ZNF267: variants seen among roughly 807,000 people sequenced by gnomAD.
ZNF267 encodes the protein zinc finger protein 267.
In ZNF267, 61 loss-of-function variants were observed where a neutral mutation model predicts 71.6. The observed-to-expected ratio is 0.85, with a 90% CI of 0.69 to 1.05. The LOEUF (loss-of-function observed/expected upper bound fraction) is 1.05, where lower values mean the gene tolerates loss of function less well. ZNF267 is among the 50% of genes least tolerant of loss of function. ZNF267 has a pLI of 0.00. For synonymous variants in ZNF267, 288 were observed against 293.2 expected, an observed-to-expected ratio of 0.98 and a Z score of 0.18; for missense variants, 852 against 870.0, an observed-to-expected ratio of 0.98 and a Z score of 0.26.
chr16:31,874,470 AAAGGTTTTTAT>A (rs1272067516), intron 1 of ZNF267, among the ~76,000 whole-genome samples: 1 of 152,238 alleles, frequency 6.6e-6, no homozygotes, highest in African/African-American at 2.4e-5. Flanking sequence ...GGCTTGAAGG[AAAGGTTTTTAT>A]AAGGTGCATG....
intron 3 of ZNF267, among the ~76,000 whole-genome samples, chr16:31,908,317 G>A (rs138104356): frequency 6.6e-6 from 1 of 152,236 alleles, no homozygotes; most frequent in African/African-American, 2.4e-5. Context: ...TGTCAGATGC[G>A]TAGTTTGTGA....
At chr16:31,882,689 T>C (rs987589952) in intron 1 of ZNF267, among the ~76,000 whole-genome samples, 2 of 152,214 alleles carry the variant, frequency 1.3e-5, no homozygotes, top group Non-Finnish European at 2.9e-5. Flanking sequence ...TGTTTTTTTA[T>C]GATTATATTA....
chr16:31,911,097 C>G (rs1381885029), intron 3 of ZNF267, among the ~76,000 whole-genome samples: 1 of 151,472 alleles, frequency 6.6e-6, no homozygotes, highest in Non-Finnish European at 1.5e-5. Context: ...TGTTTTGTAA[C>G]CTAAAATGTT....
At chr16:31,886,105 A>C (rs1266240084) in intron 3 of ZNF267, among the ~76,000 whole-genome samples, 1 of 152,108 alleles carries the variant, frequency 6.6e-6, no homozygotes, top group African/African-American at 2.4e-5. Context: ...TTCTTTCTAG[A>C]CATATGATTC....
chr16:31,888,202 G>C (rs56984047), intron 3 of ZNF267, among the ~76,000 whole-genome samples: 2,117 of 151,822 alleles, frequency 0.014, 56 homozygotes, highest in African/African-American at 0.048. Context: ...ACTAATTTTT[G>C]TATATTTTTG....
At chr16:31,898,016 ATCT>A (rs1157052462) in intron 3 of ZNF267, among the ~76,000 whole-genome samples, 2 of 152,052 alleles carry the variant, frequency 1.3e-5, no homozygotes, top group African/African-American at 2.4e-5. Context: ...TTCCTTATTG[ATCT>A]TCTTTCTGTT....
intron 1 of ZNF267, among the ~76,000 whole-genome samples, chr16:31,877,833 T>G (rs147532382): frequency 6.6e-6 from 1 of 152,152 alleles, no homozygotes; most frequent in Non-Finnish European, 1.5e-5. Flanking sequence ...TTTTTTGCCC[T>G]GTATGTATTT....
At position 31,915,039 on chromosome 16, in the gene ZNF267, G is replaced by T; in HGVS notation, c.790G>T (p.Glu264Ter). ...LQSMHGQEKQ[E>*]QSYKCNKCVE... ...GAGTATGCATGGGCAAGAGAAACAA[G>T]AACAGTCTTACAAATGTAATAAATG... The change falls in exon 4 of 4, where the codon GAA (glutamate) becomes TAA (stop). Residue 264 changes from glutamate to a stop codon, truncating the protein, a stop_gained. Coordinates refer to ENST00000300870, the MANE Select transcript of ZNF267 (RefSeq NM_003414.6). LOFTEE classifies it high-confidence loss of function. 6.2e-7 allele frequency: 1 copy of T among 1,611,898 alleles called. No homozygotes were observed.
At chr16:31,906,575 G>A (rs1009095276) in intron 3 of ZNF267, among the ~76,000 whole-genome samples, 73 of 152,344 alleles carry the variant, frequency 4.8e-4, no homozygotes, top group African/African-American at 1.6e-3. Flanking sequence ...GAACCTCCGA[G>A]CCAGGTGCGG....
chr16:31,885,381 T>C (rs1274344326), intron 3 of ZNF267, 125 bp downstream of exon 3: 7 of 741,834 alleles, frequency 9.4e-6, no homozygotes, highest in Non-Finnish European at 1.4e-5. Context: ...CCTGGCTTTA[T>C]TTCTTTCCCT....
rs2142345565 is a variant in ZNF267 at position 31,896,246 on chromosome 16, A to T, written c.226+10990A>T. 1.3e-5 allele frequency among the ~76,000 whole-genome samples: 2 copies of T among 152,260 alleles called. 1 individual carries two copies. The highest frequency in any genetic ancestry group is 4.1e-4 in the South Asian group (2 of 4,828). ...CAGGATGCCCTCGATTCCTGACCTCAAATGATTCTCCCACCTTGGCGTCCC... is the reference window on the plus strand; with the variant it reads ...CAGGATGCCCTCGATTCCTGACCTCTAATGATTCTCCCACCTTGGCGTCCC... On this transcript the variant is annotated intron_variant, in intron 3 of 3. Coordinates refer to ENST00000300870, the MANE Select transcript of ZNF267 (RefSeq NM_003414.6).
At chr16:31,900,110 T>C (rs530937152) in intron 3 of ZNF267, among the ~76,000 whole-genome samples, 12 of 151,984 alleles carry the variant, frequency 7.9e-5, no homozygotes, top group African/African-American at 2.9e-4. Context: ...CATCTTTGTA[T>C]CCTATATTTC....
chr16:31,916,132 G>T lies in ZNF267; in HGVS notation c.1883G>T (p.Gly628Val), dbSNP rs1163352853. ...DVIQHRRIHT[G>V]QRPYKCEECG... The stretch of plus-strand genomic sequence containing the variant: ...ATTCAGCATCGGAGAATTCATACTG[G>T]CCAGAGACCCTACAAATGTGAAGAA... The change falls in exon 4 of 4, where the codon GGC becomes GTC. Residue 628 changes from glycine to valine, a missense_variant. By Grantham distance (109) the Gly-to-Val change is moderately radical (BLOSUM62 -3). Transcript: ENST00000300870. 2 of 1,614,014 alleles carry T rather than the reference G, an allele frequency of 1.2e-6. No individual in the cohort carries two copies. The highest frequency in any genetic ancestry group is 2.7e-5 in the African/African-American group (2 of 74,920).
At chr16:31,905,513 CT>C in intron 3 of ZNF267, among the ~76,000 whole-genome samples, 1 of 152,268 alleles carries the variant, frequency 6.6e-6, no homozygotes, top group Non-Finnish European at 1.5e-5. Context: ...CTAAACTTCT[CT>C]TTTCGCTTCA....
rs139632875 is a variant in ZNF267 at position 31,885,556 on chromosome 16, T to C, written c.226+300T>C. Among the ~76,000 whole-genome samples the C allele has an allele frequency of 4.7e-3, 723 of 152,310 alleles. 6 individuals are homozygous for C. The highest frequency in any genetic ancestry group is 0.017 in the African/African-American group (695 of 41,546). On this transcript the variant is annotated intron_variant, in intron 3 of 3. Coordinates refer to ENST00000300870, the MANE Select transcript of ZNF267 (RefSeq NM_003414.6). ...TGTTCTTCCATTGATTTGGGGGCTCTGGGAAAGTCTGTGCATGTTTCTACC... is the reference window on the plus strand; with the variant it reads ...TGTTCTTCCATTGATTTGGGGGCTCCGGGAAAGTCTGTGCATGTTTCTACC...
intron 1 of ZNF267, among the ~76,000 whole-genome samples, chr16:31,881,956 G>A (rs1020477628): frequency 1.6e-4 from 25 of 152,096 alleles, no homozygotes; most frequent in Non-Finnish European, 3.4e-4. Flanking sequence ...GTGAGCCACC[G>A]TGCCCAGTGG....
At chr16:31,899,484 T>C (rs1204936115) in intron 3 of ZNF267, among the ~76,000 whole-genome samples, 1 of 152,074 alleles carries the variant, frequency 6.6e-6, no homozygotes, top group East Asian at 1.9e-4. Context: ...TTGAAACCAA[T>C]GAGAACAAAG....
chr16:31,911,664 CATTATTATTGATAAG>C (rs1304222502), intron 3 of ZNF267, among the ~76,000 whole-genome samples: 1 of 150,954 alleles, frequency 6.6e-6, no homozygotes, highest in African/African-American at 2.5e-5. Context: ...TTCCATTCAG[CATTATTATTGATAAG>C]TATGTGTTCA....
At chr16:31,907,870 A>G (rs376306360) in intron 3 of ZNF267, among the ~76,000 whole-genome samples, 31 of 151,416 alleles carry the variant, frequency 2.0e-4, no homozygotes, top group African/African-American at 6.6e-4. Flanking sequence ...CCCCGTCTCT[A>G]CTAAAAATTG....
Sources: gnomAD v4.1 joint callset for allele counts (sites outside exome capture counted in the v4.1 genomes callset) on GRCh38, gnomAD v4.1.1 for gene constraint, MANE v1.5 for transcripts, NCBI Gene and HGNC (gene_info 2026-07-23, HGNC 2026-07-21) for gene names.